Variants in CTNND2 observed in about 807,000 individuals in gnomAD.
The protein encoded by CTNND2 is catenin delta 2, also known as catenin delta-2.
Under a neutral mutation model 144.4 loss-of-function variants are expected in CTNND2, and 22 were observed. The observed-to-expected ratio is 0.15, with a 90% CI of 0.11 to 0.22. The LOEUF (loss-of-function observed/expected upper bound fraction) is 0.22. Ranked by LOEUF, CTNND2 falls within the 10% of genes least tolerant of loss-of-function variation. CTNND2 has a pLI of 1.00. For synonymous variants in CTNND2, 751 were observed against 695.6 expected, an observed-to-expected ratio of 1.08 and a Z score of -1.25; for missense variants, 1,353 against 1,618.8, an observed-to-expected ratio of 0.84 and a Z score of 2.82.
chr5:11,605,131 C>G (rs1225042844), intron 2 of CTNND2, among the ~76,000 whole-genome samples: 1 of 152,188 alleles, frequency 6.6e-6, no homozygotes, highest in East Asian at 1.9e-4. Context: ...GATGAAACTA[C>G]AAGTTCTTTG....
rs372218936 is a variant in CTNND2, at chr5:11,210,260, T to C, written c.1762-10599A>G. Among the ~76,000 whole-genome samples the C allele has an allele frequency of 7.9e-5, 12 of 152,284 alleles. No homozygotes were observed. In the East Asian group the frequency reaches 1.5e-3, roughly 20 times the overall value. On this transcript the variant is annotated intron_variant, in intron 10 of 21. Coordinates refer to ENST00000304623, the MANE Select transcript of CTNND2 (RefSeq NM_001332.4). The stretch of plus-strand genomic sequence containing the variant: ...AAAAATACCAAAAATTAGCCAGGCG[T>C]GGTGGTGCACACCTGTAATCCCAGC...
At chr5:11,083,482 T>C (rs1749811705) in intron 15 of CTNND2, among the ~76,000 whole-genome samples, 1 of 152,228 alleles carries the variant, frequency 6.6e-6, no homozygotes, top group Admixed American at 6.5e-5. Context: ...ATGTCTTCTT[T>C]ATAAAGTAGG....
At chr5:11,479,529 T>C (rs1208663844) in intron 3 of CTNND2, among the ~76,000 whole-genome samples, 1 of 152,260 alleles carries the variant, frequency 6.6e-6, no homozygotes, top group African/African-American at 2.4e-5. Flanking sequence ...ATAAGATTGC[T>C]GCGTCCAATG....
intron 1 of CTNND2, among the ~76,000 whole-genome samples, chr5:11,881,300 A>G (rs961213682): frequency 6.6e-6 from 1 of 151,958 alleles, no homozygotes; most frequent in Non-Finnish European, 1.5e-5. Flanking sequence ...TTGTGTTGTG[A>G]ACATTCAAAA....
chr5:11,176,836 C>T (rs962804208), intron 11 of CTNND2, among the ~76,000 whole-genome samples: 6 of 152,080 alleles, frequency 3.9e-5, no homozygotes, highest in African/African-American at 1.2e-4. Flanking sequence ...TGTCATTGCT[C>T]TCAGATTAAT....
At chr5:11,392,055 G>C (rs1187161576) in intron 6 of CTNND2, among the ~76,000 whole-genome samples, 1 of 152,186 alleles carries the variant, frequency 6.6e-6, no homozygotes, top group Non-Finnish European at 1.5e-5. Context: ...TTATGGAGGA[G>C]GGGGAGAGAA....
At chr5:11,182,047 G>T (rs1156443339) in intron 11 of CTNND2, among the ~76,000 whole-genome samples, 52 of 135,242 alleles carry the variant, frequency 3.8e-4, no homozygotes, top group African/African-American at 1.1e-3. Context: ...GGTGTGTGTG[G>T]GGTGTGTGTG....
Position 11,098,765 on chromosome 5 carries a change from A to G in CTNND2, c.2464-17T>C. The G allele has an allele frequency of 5.6e-6, 9 of 1,610,628 alleles. No homozygotes were observed. Among genetic ancestry groups the G allele is most frequent in the Non-Finnish European group, 7.6e-6 (9 of 1,178,534 alleles). On this transcript the variant is annotated splice_polypyrimidine_tract_variant and intron_variant, in intron 14 of 21. Coordinates refer to ENST00000304623, the MANE Select transcript of CTNND2 (RefSeq NM_001332.4). ...TCCATCCCACTGGCGGAAGAAAAAC[A>G]AGAGAGCAAACATCTTTAACATCTT...
At chr5:11,176,934 A>C (rs186335948) in intron 11 of CTNND2, among the ~76,000 whole-genome samples, 1 of 152,320 alleles carries the variant, frequency 6.6e-6, no homozygotes, top group East Asian at 1.9e-4. Context: ...GCAACAAATG[A>C]CATAACAGCA....
chr5:11,555,804 G>A (rs1776186090), intron 3 of CTNND2, among the ~76,000 whole-genome samples: 1 of 152,164 alleles, frequency 6.6e-6, no homozygotes, highest in East Asian at 1.9e-4. Context: ...TATTTGTGAG[G>A]GAAGGTTCTG....
chr5:10,980,181 A>G (rs992467120), intron 21 of CTNND2, among the ~76,000 whole-genome samples: 3 of 152,142 alleles, frequency 2.0e-5, no homozygotes, highest in African/African-American at 7.2e-5. Flanking sequence ...TCCAGAATCT[A>G]TAAAGAACTT....
In CTNND2 at chr5:11,291,580, G is replaced by A. The variant is rs187588635; in HGVS notation, c.1629-54757C>T. The stretch of plus-strand genomic sequence containing the variant: ...CTCAGTGGTTTCCTGTTGCTTTTTA[G>A]GGGCAGGGAACTAAACTTAAAGAAA... On this transcript the variant is annotated intron_variant, in intron 9 of 21. Coordinates refer to ENST00000304623, the MANE Select transcript of CTNND2 (RefSeq NM_001332.4). Among the ~76,000 whole-genome samples the A allele has an allele frequency of 8.5e-3, 1,298 of 152,116 alleles. 21 individuals carry two copies. Among genetic ancestry groups the A allele is most frequent in the Admixed American group, 0.031 (480 of 15,268 alleles).
chr5:11,577,906 A>C (rs1263939987), intron 2 of CTNND2, among the ~76,000 whole-genome samples: 1 of 152,212 alleles, frequency 6.6e-6, no homozygotes, highest in Non-Finnish European at 1.5e-5. Flanking sequence ...TGGATCTTGC[A>C]CTATATTGCA....
intron 12 of CTNND2, among the ~76,000 whole-genome samples, chr5:11,143,184 T>C (rs1425161555): frequency 1.3e-5 from 2 of 152,170 alleles, no homozygotes; most frequent in African/African-American, 4.8e-5. Context: ...TAATACCCCA[T>C]TAGCTCTGGG....
intron 2 of CTNND2, among the ~76,000 whole-genome samples, chr5:11,711,631 A>G (rs1317615559): frequency 6.6e-6 from 1 of 152,262 alleles, no homozygotes; most frequent in Non-Finnish European, 1.5e-5. Context: ...TCTGCGAGAT[A>G]AATACTATTA....
At chr5:11,080,990 C>T (rs1448359599) in intron 16 of CTNND2, among the ~76,000 whole-genome samples, 7 of 151,794 alleles carry the variant, frequency 4.6e-5, no homozygotes, top group African/African-American at 1.7e-4. Context: ...GGCAGGAGAA[C>T]TGTTTGAACT....
chr5:11,716,961 G>A (rs1013894277), intron 2 of CTNND2, among the ~76,000 whole-genome samples: 33 of 151,866 alleles, frequency 2.2e-4, no homozygotes, highest in African/African-American at 7.5e-4. Flanking sequence ...TCCGCCTCCC[G>A]GGTTCAAGGG....
At chr5:11,864,883 C>CTA (rs1795677309) in intron 1 of CTNND2, among the ~76,000 whole-genome samples, 1 of 56,700 alleles carries the variant, frequency 1.8e-5, no homozygotes, top group African/African-American at 7.0e-5. Flanking sequence ...CTTCTTCTTC[C>CTA]TTTTTTTTTT....
At chr5:11,299,745 G>A (rs1749388560) in intron 9 of CTNND2, among the ~76,000 whole-genome samples, 1 of 152,208 alleles carries the variant, frequency 6.6e-6, no homozygotes, top group Non-Finnish European at 1.5e-5. Context: ...CTGAGAACAA[G>A]TGCAAAACCA....
Sources: gnomAD v4.1 joint callset for allele counts (sites outside exome capture counted in the v4.1 genomes callset) on GRCh38, gnomAD v4.1.1 for gene constraint, MANE v1.5 for transcripts, NCBI Gene and HGNC (gene_info 2026-07-23, HGNC 2026-07-21) for gene names.